Variants in DMD observed in about 807,000 individuals in gnomAD.
DMD encodes mutant dystrophin.
In DMD, 63 loss-of-function variants were observed where a neutral mutation model predicts 330.1. The ratio of observed to expected loss-of-function variants is 0.19; its 90% CI spans 0.16 to 0.24. DMD has a LOEUF of 0.24. Ranked by LOEUF, DMD falls within the 10% of genes least tolerant of loss-of-function variation. The pLI is 1.00. For missense variants in DMD, 3,344 were observed against 2,684.1 expected, an observed-to-expected ratio of 1.25 and a Z score of -5.43; for synonymous variants, 1,223 against 959.8, an observed-to-expected ratio of 1.27 and a Z score of -5.07.
intron 43 of DMD, among the ~76,000 whole-genome samples, chrX:32,258,598 G>A (rs957619777): frequency 9.0e-6 from 1 of 110,531 alleles, no homozygotes; most frequent in Non-Finnish European, 1.9e-5. Context: ...TCACCCATAA[G>A]TGGGAGTTGA....
intron 60 of DMD, among the ~76,000 whole-genome samples, chrX:31,402,939 T>C (rs1388152618): frequency 9.0e-6 from 1 of 111,347 alleles, no homozygotes; most frequent in Non-Finnish European, 1.9e-5. Context: ...ATAAAGATAA[T>C]ATAAATGAAC....
intron 44 of DMD, among the ~76,000 whole-genome samples, chrX:32,199,782 G>T (rs1432344540): frequency 8.4e-4 from 26 of 30,908 alleles, no homozygotes; most frequent in African/African-American, 2.2e-3. Flanking sequence ...CAAGGCTTTT[G>T]TGTGTGTGTG....
At chrX:32,106,648 C>T (rs945541862) in intron 44 of DMD, among the ~76,000 whole-genome samples, 2 of 111,402 alleles carry the variant, frequency 1.8e-5, no homozygotes, top group African/African-American at 6.5e-5. Context: ...TGTTCTGCTC[C>T]CTCCCTTGAG....
At chrX:32,871,610 C>G (rs972120881) in intron 2 of DMD, among the ~76,000 whole-genome samples, 2 of 111,256 alleles carry the variant, frequency 1.8e-5, no homozygotes, top group South Asian at 7.7e-4. Context: ...TTATCTATCT[C>G]GTAAATAAGA....
At chrX:32,810,139 G>C (rs1425716447) in intron 6 of DMD, among the ~76,000 whole-genome samples, 1 of 109,604 alleles carries the variant, frequency 9.1e-6, no homozygotes, top group African/African-American at 3.3e-5. Context: ...GAATGCTGAG[G>C]ATGTATACCT....
intron 9 of DMD, among the ~76,000 whole-genome samples, chrX:32,669,789 G>T (rs1285269371): frequency 1.8e-5 from 2 of 111,070 alleles, no homozygotes; most frequent in Non-Finnish European, 3.8e-5. Context: ...TGAAACACAT[G>T]ACTTGTTATT....
intron 16 of DMD, among the ~76,000 whole-genome samples, chrX:32,548,632 A>G (rs772358093): frequency 1.8e-5 from 2 of 111,876 alleles, no homozygotes; most frequent in African/African-American, 3.2e-5. Context: ...TGACAGAGAA[A>G]GTAGAGAAAA....
At chrX:31,832,089 G>C (rs2093060833) in intron 49 of DMD, among the ~76,000 whole-genome samples, 1 of 111,815 alleles carries the variant, frequency 8.9e-6, no homozygotes, top group African/African-American at 3.3e-5. Context: ...GACAATTTTT[G>C]TCTGTTATCT....
At chrX:33,025,771 C>G (rs969489286) in intron 1 of DMD, among the ~76,000 whole-genome samples, 2 of 111,141 alleles carry the variant, frequency 1.8e-5, no homozygotes, top group Non-Finnish European at 1.9e-5. Context: ...GTTGCCCAGG[C>G]TGGTCTCAAA....
At chrX:32,313,768 G>A (rs1287846604) in intron 41 of DMD, among the ~76,000 whole-genome samples, 2 of 111,302 alleles carry the variant, frequency 1.8e-5, no homozygotes, top group South Asian at 7.5e-4. Context: ...CAGACAGAGA[G>A]CCAAATAATG....
intron 67 of DMD, among the ~76,000 whole-genome samples, chrX:31,186,220 CTACTGT>C (rs1162873470): frequency 8.9e-6 from 1 of 111,897 alleles, no homozygotes; most frequent in Non-Finnish European, 1.9e-5. Context: ...CGATCAAATG[CTACTGT>C]TTACCAAAGA....
At chrX:32,776,687 C>A (rs2074183670) in intron 7 of DMD, among the ~76,000 whole-genome samples, 1 of 111,743 alleles carries the variant, frequency 8.9e-6, no homozygotes, top group Non-Finnish European at 1.9e-5. Context: ...CCTCCCTCTA[C>A]ACGTGGGGAT....
intron 55 of DMD, among the ~76,000 whole-genome samples, chrX:31,553,578 G>A (rs936701841): frequency 8.9e-6 from 1 of 112,303 alleles, no homozygotes; most frequent in Non-Finnish European, 1.9e-5. Flanking sequence ...GTCCTTGTTT[G>A]TTTTAAATAT....
rs189385661 is a variant in DMD, at chrX:31,964,247, G to A, written c.6614+4092C>T. ...CCTGAAAGATGAGACATTTTTTGAG[G>A]CTAGCGTCCTGGACATTTTCAAATT... On this transcript the variant is annotated intron_variant, in intron 45 of 78. Coordinates refer to ENST00000357033, the MANE Select transcript of DMD (RefSeq NM_004006.3). Among the ~76,000 whole-genome samples the A allele has an allele frequency of 1.7e-4, 19 of 111,153 alleles. No individual in the cohort carries two copies. In the East Asian group the frequency reaches 5.1e-3, roughly 30 times the overall value.
chrX:32,866,266 G>A (rs1216552198), intron 2 of DMD, among the ~76,000 whole-genome samples: 2 of 112,048 alleles, frequency 1.8e-5, no homozygotes, highest in Admixed American at 9.5e-5. Flanking sequence ...AGACACACGA[G>A]TAATCCTAGC....
At chrX:32,537,794 G>A (rs892019306) in intron 17 of DMD, among the ~76,000 whole-genome samples, 4 of 112,120 alleles carry the variant, frequency 3.6e-5, no homozygotes, top group South Asian at 3.7e-4. Context: ...CTCAAAAAAC[G>A]AACAAAATTA....
chrX:31,466,711 G>A (rs1174449005), intron 59 of DMD, among the ~76,000 whole-genome samples: 2 of 111,711 alleles, frequency 1.8e-5, no homozygotes, highest in Admixed American at 9.5e-5. Context: ...GTCAATGGTA[G>A]CTTGATGGAG....
At chrX:31,557,872 A>C (rs953411622) in intron 55 of DMD, among the ~76,000 whole-genome samples, 20 of 110,443 alleles carry the variant, frequency 1.8e-4, no homozygotes, top group African/African-American at 5.3e-4. Flanking sequence ...AAAAAAAAAA[A>C]CCCCACTGGG....
chrX:31,932,512 G>A (rs999554351), intron 45 of DMD, among the ~76,000 whole-genome samples: 15 of 111,934 alleles, frequency 1.3e-4, no homozygotes, highest in African/African-American at 4.9e-4. Context: ...TAGGGAGGCC[G>A]ATGTGGGCGG....
Sources: allele counts gnomAD v4.1 joint callset (sites outside exome capture counted in the v4.1 genomes callset), GRCh38; gene constraint gnomAD v4.1.1; transcripts MANE v1.5; gene names NCBI Gene and HGNC (gene_info 2026-07-23, HGNC 2026-07-21).